SYT14: variants seen among roughly 807,000 people sequenced by gnomAD.
SYT14 encodes the protein synaptotagmin-14.
A neutral mutation model predicts 74.2 loss-of-function variants in SYT14; 32 were observed. That is an observed-to-expected ratio of 0.43 (90% confidence interval 0.33 to 0.58). SYT14 has a LOEUF of 0.58. Among genes scored for constraint, SYT14 ranks in the 20% least tolerant of loss-of-function variants. SYT14 has a pLI of 0.05. For missense variants in SYT14, 791 were observed against 981.8 expected, an observed-to-expected ratio of 0.81 and a Z score of 2.60; for synonymous variants, 298 against 337.7, an observed-to-expected ratio of 0.88 and a Z score of 1.29.
intron 5 of SYT14, among the ~76,000 whole-genome samples, chr1:210,026,370 A>C (rs1029193441): frequency 2.6e-5 from 4 of 152,102 alleles, no homozygotes; most frequent in Non-Finnish European, 5.9e-5. Flanking sequence ...TTATATTAGG[A>C]GAAGCTTATT....
At chr1:209,993,719 C>T (rs2102852282) in intron 2 of SYT14, among the ~76,000 whole-genome samples, 1 of 152,214 alleles carries the variant, frequency 6.6e-6, no homozygotes, top group South Asian at 2.1e-4. Context: ...GGAGGGAGCT[C>T]CCCCAAGTGG....
At chr1:210,102,353 T>C (rs1342043455) in intron 7 of SYT14, among the ~76,000 whole-genome samples, 8 of 152,212 alleles carry the variant, frequency 5.3e-5, no homozygotes. Flanking sequence ...TTTCTCTGTG[T>C]TGACATGCTT....
chr1:209,956,217 T>C (rs1354307362), intron 2 of SYT14, among the ~76,000 whole-genome samples: 2 of 152,174 alleles, frequency 1.3e-5, no homozygotes, highest in Non-Finnish European at 2.9e-5. Context: ...TCTGCTTCCC[T>C]AGGAAATAAT....
At chr1:210,127,993 G>A (rs868692102) in intron 7 of SYT14, among the ~76,000 whole-genome samples, 14 of 151,986 alleles carry the variant, frequency 9.2e-5, no homozygotes, top group African/African-American at 3.1e-4. Flanking sequence ...TCGCGCCATT[G>A]CACTCCAGCC....
intron 7 of SYT14, among the ~76,000 whole-genome samples, chr1:210,119,477 G>A (rs1368147260): frequency 6.6e-6 from 1 of 152,150 alleles, no homozygotes; most frequent in East Asian, 1.9e-4. Flanking sequence ...GAATGAAATT[G>A]TTTATTAGCA....
At chr1:210,150,318 C>T (rs537600492) in intron 7 of SYT14, among the ~76,000 whole-genome samples, 3 of 152,288 alleles carry the variant, frequency 2.0e-5, no homozygotes, top group South Asian at 2.1e-4. Flanking sequence ...AGCCACTGCT[C>T]ACTCCAGTAG....
intron 2 of SYT14, among the ~76,000 whole-genome samples, chr1:209,973,981 A>G (rs551520786): frequency 6.6e-6 from 1 of 151,484 alleles, no homozygotes; most frequent in African/African-American, 2.4e-5. Context: ...GCATTTTTTC[A>G]TGTGTCTTTT....
At chr1:210,113,056 G>A (rs12409060) in intron 7 of SYT14, among the ~76,000 whole-genome samples, 2,718 of 151,440 alleles carry the variant, frequency 0.018, 207 homozygotes, top group Admixed American at 0.13. Flanking sequence ...GGCAGCCGCC[G>A]CACGCAGACA....
At chr1:210,071,587 A>G (rs935558481) in intron 5 of SYT14, among the ~76,000 whole-genome samples, 3 of 152,056 alleles carry the variant, frequency 2.0e-5, no homozygotes, top group African/African-American at 7.2e-5. Context: ...TAAAAGGATA[A>G]GTCACAAAAG....
chr1:210,071,657 A>T (rs998583806), intron 5 of SYT14, among the ~76,000 whole-genome samples: 14 of 152,032 alleles, frequency 9.2e-5, no homozygotes, highest in African/African-American at 3.1e-4. Context: ...CTGATTTTTT[A>T]AAAAGATCTC....
intron 4 of SYT14, among the ~76,000 whole-genome samples, chr1:210,017,814 C>T (rs980171591): frequency 6.6e-5 from 10 of 152,148 alleles, no homozygotes; most frequent in Admixed American, 3.9e-4. Flanking sequence ...ATAATTACTT[C>T]TGGTAATCCC....
chr1:210,117,614 A>G lies in SYT14; in HGVS notation c.2034+17153A>G, dbSNP rs377339140. Among the ~76,000 whole-genome samples, 12 of 152,302 alleles carry G rather than the reference A, an allele frequency of 7.9e-5. No homozygotes were observed. In the East Asian group the frequency reaches 1.3e-3, roughly 17 times the overall value. ...ATGATTATAGACCTATTTACAGACA[A>G]TTATTCACAGAGAAAGTAAATGAGC... On this transcript the variant is annotated intron_variant, in intron 7 of 9. Transcript: ENST00000637265.
chr1:210,110,106 G>A (rs1455979496), intron 7 of SYT14, among the ~76,000 whole-genome samples: 2 of 152,242 alleles, frequency 1.3e-5, no homozygotes, highest in African/African-American at 4.8e-5. Flanking sequence ...ATCACACACC[G>A]AGGCCTGTCA....
At chr1:210,167,358 ACT>A (rs2083466668) in exon 10 of SYT14, 1 of 151,994 alleles carries the variant, frequency 6.6e-6, no homozygotes, top group Non-Finnish European at 1.5e-5. Flanking sequence ...GCTGCTCTAA[ACT>A]CTAGTTCCTT....
intron 5 of SYT14, among the ~76,000 whole-genome samples, chr1:210,032,068 T>C (rs545620375): frequency 3.3e-5 from 5 of 152,134 alleles, no homozygotes; most frequent in African/African-American, 4.8e-5. Context: ...TTAAATGCCA[T>C]GGCAGAGTTA....
At chr1:210,148,490 C>A (rs1418163605) in intron 7 of SYT14, among the ~76,000 whole-genome samples, 2 of 137,758 alleles carry the variant, frequency 1.5e-5, no homozygotes, top group African/African-American at 5.6e-5. Flanking sequence ...GCCTGGGCGA[C>A]AGAGCAAAAC....
At chr1:210,103,238 C>T (rs2102554753) in intron 7 of SYT14, among the ~76,000 whole-genome samples, 1 of 152,072 alleles carries the variant, frequency 6.6e-6, no homozygotes, top group Middle Eastern at 3.4e-3. Flanking sequence ...CAGTGAGTTT[C>T]CCTGAGAATA....
chr1:209,970,465 C>T (rs2079231562), intron 2 of SYT14, among the ~76,000 whole-genome samples: 1 of 151,964 alleles, frequency 6.6e-6, no homozygotes, highest in African/African-American at 2.4e-5. Context: ...TTACTATAGC[C>T]TTATACCATT....
intron 2 of SYT14, among the ~76,000 whole-genome samples, chr1:210,000,865 G>A (rs1029055163): frequency 4.6e-5 from 7 of 151,770 alleles, no homozygotes; most frequent in African/African-American, 7.3e-5. Flanking sequence ...CACCCACCTC[G>A]GCCTCCCAAA....
Sources: allele counts gnomAD v4.1 joint callset (sites outside exome capture counted in the v4.1 genomes callset), GRCh38; gene constraint gnomAD v4.1.1; transcripts MANE v1.5; gene names NCBI Gene and HGNC (gene_info 2026-07-23, HGNC 2026-07-21).